SGCZ: variants seen among roughly 807,000 people sequenced by gnomAD.
SGCZ encodes the protein sarcoglycan zeta, also known as zeta-sarcoglycan.
A neutral mutation model predicts 41.3 loss-of-function variants in SGCZ; 40 were observed. The observed-to-expected ratio is 0.97, with a 90% CI of 0.75 to 1.26. The LOEUF (loss-of-function observed/expected upper bound fraction) is 1.26, where lower values mean the gene tolerates loss of function less well. Among genes scored for constraint, SGCZ ranks in the 50% most tolerant of loss-of-function variants. SGCZ has a pLI of 0.00. For synonymous variants in SGCZ, 206 were observed against 137.5 expected (o/e 1.50, Z -3.49); for missense variants, 552 against 369.8 (o/e 1.49, Z -4.04).
intron 1 of SGCZ, among the ~76,000 whole-genome samples, chr8:15,024,477 G>T (rs548614501): frequency 6.6e-6 from 1 of 152,200 alleles, no homozygotes; most frequent in East Asian, 1.9e-4. Flanking sequence ...TGGTTCTGTA[G>T]AGTTATACTC....
chr8:14,405,634 A>T (rs1799192135), intron 2 of SGCZ, among the ~76,000 whole-genome samples: 1 of 152,194 alleles, frequency 6.6e-6, no homozygotes, highest in South Asian at 2.1e-4. Flanking sequence ...ATGTGATGGA[A>T]ATGTTGAAAT....
At chr8:14,763,589 T>G (rs1477341711) in intron 1 of SGCZ, among the ~76,000 whole-genome samples, 1 of 152,096 alleles carries the variant, frequency 6.6e-6, no homozygotes. Context: ...AATCTCGAAC[T>G]CCAGTTAAAC....
chr8:14,091,365 C>T (rs1801685092), intron 7 of SGCZ, among the ~76,000 whole-genome samples: 1 of 151,902 alleles, frequency 6.6e-6, no homozygotes, highest in South Asian at 2.1e-4. Context: ...AATGGGATTG[C>T]TGGGTCAAAT....
chr8:14,634,196 T>C (rs1265678404), intron 1 of SGCZ, among the ~76,000 whole-genome samples: 1 of 151,930 alleles, frequency 6.6e-6, no homozygotes, highest in African/African-American at 2.4e-5. Flanking sequence ...TTTTATCAAT[T>C]TGACACAGTC....
chr8:14,282,872 C>T (rs1800494567), intron 3 of SGCZ, among the ~76,000 whole-genome samples: 1 of 30,064 alleles, frequency 3.3e-5, no homozygotes, highest in Non-Finnish European at 7.2e-5. Context: ...TTTTTTGAGA[C>T]GGAGTCTCAC....
In SGCZ at chr8:14,630,635, A is replaced by T. The variant is rs190213053; in HGVS notation, c.40-75709T>A. Among the ~76,000 whole-genome samples, 1,387 of 152,204 alleles carry T rather than the reference A, an allele frequency of 9.1e-3. 16 individuals are homozygous for T. Among genetic ancestry groups the T allele is most frequent in the Middle Eastern group, 0.041 (12 of 294 alleles). On this transcript the variant is annotated intron_variant, in intron 1 of 7. Transcript: ENST00000382080. ...TTGGAACCAACCCAAATGTCCAAAA[A>T]TGATAGACTGGATTAAGAAAATGTG...
At chr8:14,578,273 C>T (rs542561742) in intron 1 of SGCZ, among the ~76,000 whole-genome samples, 1 of 152,304 alleles carries the variant, frequency 6.6e-6, no homozygotes, top group Non-Finnish European at 1.5e-5. Context: ...ATACATGCAC[C>T]TTTTCCCTAA....
chr8:14,313,375 G>C (rs1037521633), intron 3 of SGCZ, among the ~76,000 whole-genome samples: 2 of 152,062 alleles, frequency 1.3e-5, no homozygotes, highest in African/African-American at 4.8e-5. Context: ...TCACAGTTGC[G>C]CCATCTCGGC....
At chr8:14,835,827 G>A (rs978774346) in intron 1 of SGCZ, among the ~76,000 whole-genome samples, 1 of 152,142 alleles carries the variant, frequency 6.6e-6, no homozygotes, top group Non-Finnish European at 1.5e-5. Context: ...GCTGGGAAAT[G>A]TTTTCAGTAG....
rs867823697 is a variant in SGCZ, at chr8:14,146,805, G to A, written c.547+17775C>T. ...GAGAATGGCGTGAACCCGGGAGGCG[G>A]AGCTTGCAGTGAGCCGAGATCCCGC... On this transcript the variant is annotated intron_variant, in intron 5 of 7. Transcript: ENST00000382080. Among the ~76,000 whole-genome samples, 8 of 142,744 alleles carry A rather than the reference G, an allele frequency of 5.6e-5. 1 individual carries two copies. The highest frequency in any genetic ancestry group is 3.7e-3 in the Middle Eastern group (1 of 270). The allele number at this position is 142,744 out of a possible 152,430, so 93.6% of individuals were successfully genotyped here. A position where few individuals can be genotyped will look rare whatever the true frequency, so the allele number is the denominator to read the frequency against.
chr8:14,888,170 A>G (rs764472766), intron 1 of SGCZ, among the ~76,000 whole-genome samples: 2 of 152,174 alleles, frequency 1.3e-5, no homozygotes, highest in African/African-American at 2.4e-5. Flanking sequence ...AAAGCAATAC[A>G]CCAAAAAAGC....
intron 1 of SGCZ, among the ~76,000 whole-genome samples, chr8:15,158,158 G>C (rs268415): frequency 0.66 from 100,005 of 150,784 alleles, 33,302 homozygotes; most frequent in East Asian, 0.79. Flanking sequence ...AATTTTTCTA[G>C]TTTGCCACAA....
Position 14,485,339 on chromosome 8 carries a change from C to T in SGCZ, c.234+69393G>A, listed in dbSNP as rs143415456. Reference sequence around the variant, plus strand: ...GCAACCTTGGCCTCCTGGGTTCAAGCGATTCTCCCGCCTCAGCCTCCCGAG... The same window carrying T: ...GCAACCTTGGCCTCCTGGGTTCAAGTGATTCTCCCGCCTCAGCCTCCCGAG... On this transcript the variant is annotated intron_variant, in intron 2 of 7. Transcript: ENST00000382080. Among the ~76,000 whole-genome samples the T allele has an allele frequency of 2.6e-5, 4 of 152,236 alleles. No homozygotes were observed. In the East Asian group the frequency reaches 5.8e-4, roughly 22 times the overall value.
intron 1 of SGCZ, among the ~76,000 whole-genome samples, chr8:15,237,354 C>A (rs2117223167): frequency 6.6e-6 from 1 of 152,298 alleles, no homozygotes; most frequent in African/African-American, 2.4e-5. Context: ...GCGGGAGGAG[C>A]AGGCGGGGAG....
rs537217803 is a variant in SGCZ at position 14,985,475 on chromosome 8, T to C, written c.39+252110A>G. The stretch of plus-strand genomic sequence containing the variant: ...CACTAAGAGGCAGAGCAAATGAGAC[T>C]AAAAATTTATGAGAAAACCAGGGGC... On this transcript the variant is annotated intron_variant, in intron 1 of 7. Coordinates refer to ENST00000382080, the MANE Select transcript of SGCZ (RefSeq NM_139167.4). 1.2e-3 allele frequency among the ~76,000 whole-genome samples: 184 copies of C among 152,300 alleles called. 1 individual carries two copies. Among genetic ancestry groups the C allele is most frequent in the African/African-American group, 4.3e-3 (179 of 41,580 alleles).
intron 4 of SGCZ, among the ~76,000 whole-genome samples, chr8:14,231,716 G>C (rs1263202983): frequency 1.3e-5 from 2 of 152,084 alleles, no homozygotes; most frequent in African/African-American, 2.4e-5. Context: ...TTAATGTAGA[G>C]TTGTTAAAAA....
intron 1 of SGCZ, among the ~76,000 whole-genome samples, chr8:15,161,488 A>AC (rs1354393164): frequency 2.6e-5 from 4 of 152,218 alleles, no homozygotes; most frequent in Admixed American, 6.5e-5. Context: ...CCAGGGCTGT[A>AC]TGTGTTTTGC....
At chr8:14,499,779 C>A (rs1384337960) in intron 2 of SGCZ, among the ~76,000 whole-genome samples, 1 of 145,280 alleles carries the variant, frequency 6.9e-6, no homozygotes, top group Non-Finnish European at 1.6e-5. Context: ...AGATATATAT[C>A]AACTGCCTTC....
At chr8:14,505,191 T>C (rs947658871) in intron 2 of SGCZ, among the ~76,000 whole-genome samples, 2 of 152,124 alleles carry the variant, frequency 1.3e-5, no homozygotes, top group Middle Eastern at 3.2e-3. Flanking sequence ...TTTTTTTCAC[T>C]GAGTTATTAA....
Sources: allele counts gnomAD v4.1 joint callset (sites outside exome capture counted in the v4.1 genomes callset), GRCh38; gene constraint gnomAD v4.1.1; transcripts MANE v1.5; gene names NCBI Gene and HGNC (gene_info 2026-07-23, HGNC 2026-07-21).